JAKMIP1: variants seen among roughly 807,000 people sequenced by gnomAD.
The protein encoded by JAKMIP1 is janus kinase and microtubule-interacting protein 1.
A neutral mutation model predicts 113.0 loss-of-function variants in JAKMIP1; 33 were observed. The observed-to-expected ratio is 0.29, with a 90% CI of 0.22 to 0.39. The LOEUF (loss-of-function observed/expected upper bound fraction) is 0.39. Ranked by LOEUF, JAKMIP1 falls within the 10% of genes least tolerant of loss-of-function variation. The pLI is 1.00. For missense variants in JAKMIP1, 813 were observed against 1,080.5 expected, an observed-to-expected ratio of 0.75 and a Z score of 3.47; for synonymous variants, 480 against 459.9, an observed-to-expected ratio of 1.04 and a Z score of -0.56.
At chr4:6,112,560 C>A (rs972186224) in intron 2 of JAKMIP1, among the ~76,000 whole-genome samples, 162 bp downstream of exon 2, 1 of 152,216 alleles carries the variant, frequency 6.6e-6, no homozygotes, top group African/African-American at 2.4e-5. Flanking sequence ...TCCTGCCCAG[C>A]AGTCTCTGTA....
chr4:6,139,957 G>A lies in JAKMIP1; in HGVS notation c.-147-26960C>T, dbSNP rs1445709440. On this transcript the variant is annotated intron_variant, in intron 1 of 20. Transcript: ENST00000409021. This position sits in a 1 kb window ranked among gnomAD's most constrained non-coding sequence, Gnocchi z 5.2. ...GAGAGGCCTGGGGCAGAGTCCCCTC[G>A]CAGCCTCAGATGGGGTCAACCCTGC... 2.6e-5 allele frequency among the ~76,000 whole-genome samples: 4 copies of A among 152,148 alleles called. No homozygotes were observed. The highest frequency in any genetic ancestry group is 4.2e-4 in the South Asian group (2 of 4,816).
intron 1 of JAKMIP1, among the ~76,000 whole-genome samples, chr4:6,198,323 A>G (rs77829707): frequency 1.3e-5 from 2 of 151,562 alleles, no homozygotes; most frequent in African/African-American, 2.4e-5. Flanking sequence ...AGACGGGGGG[A>G]AAAAGAAGCA....
intron 1 of JAKMIP1, among the ~76,000 whole-genome samples, chr4:6,152,549 T>C (rs75032318): frequency 0.022 from 3,337 of 152,222 alleles, 133 homozygotes; most frequent in African/African-American, 0.076. Flanking sequence ...CCGGGGAATA[T>C]TTATGTGACC....
chr4:6,190,026 C>G (rs13101353), intron 1 of JAKMIP1, among the ~76,000 whole-genome samples: 31,565 of 152,142 alleles, frequency 0.21, 3,444 homozygotes, highest in Non-Finnish European at 0.24. Flanking sequence ...CTGGGCCTGT[C>G]TGAATCTAGC....
intron 11 of JAKMIP1, 68 bp from the exon 12 acceptor site, chr4:6,056,827 G>T: frequency 1.9e-6 from 2 of 1,053,960 alleles, no homozygotes; most frequent in Non-Finnish European, 3.0e-6. Context: ...CAAACTTTTA[G>T]TGAGAAAGGT....
chr4:6,070,963 G>A (rs1177194475), intron 8 of JAKMIP1, among the ~76,000 whole-genome samples: 4 of 152,184 alleles, frequency 2.6e-5, no homozygotes, highest in Admixed American at 6.5e-5. Flanking sequence ...CTCTCATGCT[G>A]CAGAAAAAAT....
At position 6,116,949 on chromosome 4, in the gene JAKMIP1, C is replaced by A. The variant is rs1193815371; in HGVS notation, c.-147-3952G>T. 2.0e-5 allele frequency among the ~76,000 whole-genome samples: 3 copies of A among 152,326 alleles called. No individual in the cohort carries two copies. The South Asian group carries it at 6.2e-4, about 32-fold the overall frequency. ...TTCTACACCAAGCACAGAGTCAAGACCAGCTATGTATTTGCAGCCCAGTGC... is the reference window on the plus strand; with the variant it reads ...TTCTACACCAAGCACAGAGTCAAGAACAGCTATGTATTTGCAGCCCAGTGC... On this transcript the variant is annotated intron_variant, in intron 1 of 20. Transcript: ENST00000409021. The surrounding 1 kb of genome is among the most constrained non-coding windows in gnomAD (Gnocchi z 5.1).
chr4:6,189,724 G>C (rs1440290327), intron 1 of JAKMIP1, among the ~76,000 whole-genome samples: 1 of 151,586 alleles, frequency 6.6e-6, no homozygotes, highest in Non-Finnish European at 1.5e-5. Context: ...GGCAGTGAGG[G>C]CCCTGGGGTT....
intron 1 of JAKMIP1, among the ~76,000 whole-genome samples, chr4:6,124,466 A>G (rs555954806): frequency 6.6e-6 from 1 of 152,188 alleles, no homozygotes; most frequent in South Asian, 2.1e-4. Context: ...ACTGTCCTCT[A>G]TCACCAGTTC....
chr4:6,198,831 G>C (rs1728118746), intron 1 of JAKMIP1, among the ~76,000 whole-genome samples: 1 of 152,200 alleles, frequency 6.6e-6, no homozygotes, highest in South Asian at 2.1e-4. Context: ...CACCAGCCCA[G>C]GGTGCTACAG....
intron 1 of JAKMIP1, among the ~76,000 whole-genome samples, chr4:6,113,938 G>A (rs899483137): frequency 3.1e-4 from 37 of 118,096 alleles, no homozygotes; most frequent in Non-Finnish European, 6.4e-4. Flanking sequence ...GAATGAATGA[G>A]TGAGTGAGTG....
rs1044585975 is a variant in JAKMIP1, at chr4:6,097,820, C to T, written c.624+7653G>A. 6.6e-6 allele frequency among the ~76,000 whole-genome samples: 1 copy of T among 152,192 alleles called. No individual in the cohort carries two copies. Among genetic ancestry groups the T allele is most frequent in the Non-Finnish European group, 1.5e-5 (1 of 68,034 alleles). On this transcript the variant is annotated intron_variant, in intron 3 of 20. Coordinates refer to ENST00000409021, the MANE Select transcript of JAKMIP1 (RefSeq NM_001099433.2). The surrounding 1 kb of genome is among the most constrained non-coding windows in gnomAD (Gnocchi z 4.3). Reference sequence around the variant, plus strand: ...CTTCCTTAGGCAGCTTGGAGAAACGCAATCTGGTTCCCTTGATCAAAAGCA... The same window carrying T: ...CTTCCTTAGGCAGCTTGGAGAAACGTAATCTGGTTCCCTTGATCAAAAGCA...
intron 13 of JAKMIP1, among the ~76,000 whole-genome samples, chr4:6,052,245 A>T (rs969615361): frequency 3.9e-5 from 6 of 152,132 alleles, no homozygotes; most frequent in African/African-American, 1.4e-4. Context: ...CAAAAAAACA[A>T]ATTTCATGAT....
At position 6,062,430 on chromosome 4, in the gene JAKMIP1, C is replaced by G. The variant is rs530379301; in HGVS notation, c.1442G>C (p.Arg481Pro). 1.5e-5 allele frequency: 24 copies of G among 1,613,110 alleles called. No homozygotes were observed. The highest frequency in any genetic ancestry group is 2.7e-5 in the African/African-American group (2 of 74,948). ...PEEDLDDATA[R>P]EEADLRFCQL... ...GCAGAAGCGCAGGTCAGCCTCCTCT[C>G]GGGCTGTGGCCTTCACATAATGGAG... is the stretch of plus-strand genomic sequence containing the variant. The change falls in exon 10 of 21, where the codon CGA (arginine) becomes CCA (proline). Residue 481 changes from arginine to proline, a missense_variant. By Grantham distance (103) the Arg-to-Pro change is moderately radical. Around this residue, in one of 2 missense-constraint regions of JAKMIP1, gnomAD observed 540 missense variants for 653.9 expected, o/e 0.83. Transcript: ENST00000409021.
chr4:6,174,573 C>T (rs1042424256), intron 1 of JAKMIP1, among the ~76,000 whole-genome samples: 6 of 152,164 alleles, frequency 3.9e-5, no homozygotes, highest in African/African-American at 1.2e-4. Context: ...GGCCTGGGCT[C>T]GCAGCTCTCA....
intron 1 of JAKMIP1, among the ~76,000 whole-genome samples, chr4:6,123,110 A>G (rs1453403317): frequency 6.6e-6 from 1 of 152,174 alleles, no homozygotes; most frequent in African/African-American, 2.4e-5. Context: ...TAGTTTTTCT[A>G]TTTTCTGACA....
chr4:6,090,159 T>G (rs932183107), intron 3 of JAKMIP1, among the ~76,000 whole-genome samples: 12 of 151,664 alleles, frequency 7.9e-5, no homozygotes, highest in African/African-American at 2.7e-4. Flanking sequence ...CAGGCAGAGG[T>G]TGCAGTGAGC....
chr4:6,097,758 G>GT lies in JAKMIP1; in HGVS notation c.624+7714dup, dbSNP rs1712070855. Among the ~76,000 whole-genome samples, 1 of 152,188 alleles carries GT rather than the reference G, an allele frequency of 6.6e-6. No individual in the cohort carries two copies. The highest frequency in any genetic ancestry group is 1.5e-5 in the Non-Finnish European group (1 of 68,024). On this transcript the variant is annotated intron_variant, in intron 3 of 20. Coordinates refer to ENST00000409021, the MANE Select transcript of JAKMIP1 (RefSeq NM_001099433.2). The surrounding 1 kb of genome is among the most constrained non-coding windows in gnomAD (Gnocchi z 4.3). The stretch of plus-strand genomic sequence containing the variant: ...TTCTCATCATCATTTGACAAATGGT[G>GT]TGAGTCAACCATTCCATGGGAAAAG...
rs751827032 is a variant in JAKMIP1 at position 6,060,525 on chromosome 4, A to T, written c.1561-18T>A. The T allele has an allele frequency of 5.0e-6, 8 of 1,605,234 alleles. No individual in the cohort carries two copies. Among genetic ancestry groups the T allele is most frequent in the East Asian group, 2.2e-5 (1 of 44,828 alleles). ...TCCCGAGTCTGGAAGGGAAAAGACC[A>T]GGCAGTGAGCAGGTCACCTCCAATG... On this transcript the variant is annotated intron_variant, in intron 10 of 20. Transcript: ENST00000409021.
Sources: allele counts gnomAD v4.1 joint callset (sites outside exome capture counted in the v4.1 genomes callset), GRCh38; gene constraint gnomAD v4.1.1; regional missense constraint gnomAD v4.1.1; non-coding constraint Gnocchi (gnomAD v3.1); transcripts MANE v1.5; gene names NCBI Gene and HGNC (gene_info 2026-07-23, HGNC 2026-07-21).